The following CNRIP1 variants were observed in gnomAD, a reference collection of about 807,000 sequenced individuals.
CNRIP1 encodes the protein CB1 cannabinoid receptor-interacting protein 1.
In CNRIP1, 10 loss-of-function variants were observed where a neutral mutation model predicts 15.2. The observed-to-expected ratio is 0.66, with a 90% CI of 0.41 to 1.12. The LOEUF is 1.12. CNRIP1 is among the 50% of genes most tolerant of loss of function. CNRIP1 has a pLI of 0.00. For synonymous variants in CNRIP1, 91 were observed against 83.2 expected (o/e 1.09, Z -0.51); for missense variants, 211 against 214.7 (o/e 0.98, Z 0.11).
At chr2:68,305,818 C>A (rs1187712712) in intron 2 of CNRIP1, among the ~76,000 whole-genome samples, 1 of 145,470 alleles carries the variant, frequency 6.9e-6, no homozygotes, top group Non-Finnish European at 1.5e-5. Context: ...AACACACACA[C>A]ACACACCTGG....
At chr2:68,297,224 C>T (rs114217462) in intron 2 of CNRIP1, among the ~76,000 whole-genome samples, 1,532 of 152,138 alleles carry the variant, frequency 0.01, 21 homozygotes, top group African/African-American at 0.035. Flanking sequence ...CTACGAGGAA[C>T]ATTGGAATAA....
chr2:68,311,645 C>T (rs1460505279), intron 2 of CNRIP1, among the ~76,000 whole-genome samples: 1 of 151,352 alleles, frequency 6.6e-6, no homozygotes, highest in Non-Finnish European at 1.5e-5. Context: ...TATGGTGGTG[C>T]GCACCTGTAA....
chr2:68,294,720 A>T (rs1173360350), intron 2 of CNRIP1, among the ~76,000 whole-genome samples: 3 of 152,248 alleles, frequency 2.0e-5, no homozygotes, highest in African/African-American at 7.2e-5. Flanking sequence ...GCCATATTTT[A>T]ACTATTAAAC....
At chr2:68,300,592 G>A (rs939900061) in intron 2 of CNRIP1, among the ~76,000 whole-genome samples, 1 of 151,656 alleles carries the variant, frequency 6.6e-6, no homozygotes, top group Non-Finnish European at 1.5e-5. Context: ...ACTCCAGCCT[G>A]GGCATCAGAG....
downstream of CNRIP1, among the ~76,000 whole-genome samples, chr2:68,290,161 T>A (rs1173793819): frequency 6.6e-6 from 1 of 151,684 alleles, no homozygotes; most frequent in East Asian, 1.9e-4. Flanking sequence ...CCCAAGTAGC[T>A]GGGATTACAG....
At position 68,319,389 on chromosome 2, in the gene CNRIP1, C is replaced by A; in HGVS notation, c.12G>T (p.Leu4=). MGD[L]PGLVRLSIAL... Reference sequence around the variant, plus strand: ...CGATGGAGAGGCGCACGAGGCCCGGCAGGTCCCCCATGTCTGGGCGAGGGT... The same window carrying A: ...CGATGGAGAGGCGCACGAGGCCCGGAAGGTCCCCCATGTCTGGGCGAGGGT... Residue 4 remains leucine (L), a synonymous_variant, in exon 1 of 3, where the codon CTG becomes CTT. Coordinates refer to ENST00000263655, the MANE Select transcript of CNRIP1 (RefSeq NM_015463.3). The A allele has an allele frequency of 6.3e-7, 1 of 1,576,592 alleles. No homozygotes were observed. The highest frequency in any genetic ancestry group is 8.6e-7 in the Non-Finnish European group (1 of 1,163,678).
intron 1 of CNRIP1, 50 bp downstream of exon 1, chr2:68,319,172 T>C (rs4671897): frequency 0.48 from 704,029 of 1,480,542 alleles, 175,035 homozygotes; most frequent in African/African-American, 0.8. Flanking sequence ...CTCAGTCCTC[T>C]GCCTGTACCC....
At chr2:68,314,937 CA>C (rs1672216329) in intron 2 of CNRIP1, among the ~76,000 whole-genome samples, 2 of 151,958 alleles carry the variant, frequency 1.3e-5, no homozygotes, top group African/African-American at 4.8e-5. Flanking sequence ...TGAAAATACA[CA>C]AATGCCACTG....
chr2:68,305,662 G>A (rs1446360767), intron 2 of CNRIP1, among the ~76,000 whole-genome samples: 1 of 151,788 alleles, frequency 6.6e-6, no homozygotes, highest in Non-Finnish European at 1.5e-5. Flanking sequence ...TGGGCATGGT[G>A]GCGAGCACCT....
chr2:68,319,473 C>A lies in CNRIP1; in HGVS notation c.-73G>T, dbSNP rs1379851189. 3 of 1,395,804 alleles carry A rather than the reference C, an allele frequency of 2.1e-6. No individual in the cohort carries two copies. The highest frequency in any genetic ancestry group is 2.8e-6 in the Non-Finnish European group (3 of 1,065,466). The allele number at this position is 1,395,804 out of a possible 1,614,324, so 86.5% of individuals were successfully genotyped here. On this transcript the variant is annotated 5_prime_UTR_variant, in exon 1 of 3. Transcript: ENST00000263655. ...GCCGGCTGCGGCCGAGTGGCTGGAG[C>A]GCGAGGGGCGGAGAGGAAGCGCGGG...
chr2:68,316,710 T>C (rs1472713706), intron 2 of CNRIP1: 1 of 243,146 alleles, frequency 4.1e-6, no homozygotes, highest in Non-Finnish European at 8.0e-6. Context: ...TATTATAGGA[T>C]ATTATATAAG....
intron 2 of CNRIP1, among the ~76,000 whole-genome samples, chr2:68,310,108 A>T (rs935286726): frequency 1.3e-5 from 2 of 152,282 alleles, no homozygotes; most frequent in South Asian, 4.1e-4. Context: ...CAGGTGGATC[A>T]CTTGAGGTCA....
At chr2:68,301,485 C>T (rs1671602098) in intron 2 of CNRIP1, among the ~76,000 whole-genome samples, 2 of 152,138 alleles carry the variant, frequency 1.3e-5, no homozygotes, top group Non-Finnish European at 2.9e-5. Flanking sequence ...GTTCTTACTG[C>T]CCCTATTCAG....
intron 2 of CNRIP1, among the ~76,000 whole-genome samples, chr2:68,300,459 A>T (rs898478460): frequency 1.1e-4 from 17 of 152,098 alleles, no homozygotes; most frequent in African/African-American, 3.4e-4. Flanking sequence ...TCTAGTAAAA[A>T]TACAAAAATT....
At chr2:68,290,480 T>C (rs1487707601), downstream of CNRIP1, among the ~76,000 whole-genome samples, 1 of 152,218 alleles carries the variant, frequency 6.6e-6, no homozygotes, top group African/African-American at 2.4e-5. Flanking sequence ...TTTATGTACC[T>C]ACAGGATACA....
At chr2:68,289,362 G>A (rs545285566), downstream of CNRIP1, among the ~76,000 whole-genome samples, 30 of 152,134 alleles carry the variant, frequency 2.0e-4, no homozygotes, top group Non-Finnish European at 3.4e-4. Flanking sequence ...ATAACGTTTG[G>A]CCATTATCTG....
chr2:68,287,023 A>G (rs61278391), intron 2 of CNRIP1, among the ~76,000 whole-genome samples: 3,939 of 152,274 alleles, frequency 0.026, 177 homozygotes, highest in African/African-American at 0.087. Context: ...ACCTCCAAAT[A>G]CAGCCTTATC....
At chr2:68,310,929 G>A (rs1672049370) in intron 2 of CNRIP1, among the ~76,000 whole-genome samples, 1 of 151,910 alleles carries the variant, frequency 6.6e-6, no homozygotes, top group Non-Finnish European at 1.5e-5. Flanking sequence ...TAGAAGATAA[G>A]CACAAGACTA....
chr2:68,286,698 A>G (rs1247138588), intron 2 of CNRIP1, among the ~76,000 whole-genome samples: 1 of 152,210 alleles, frequency 6.6e-6, no homozygotes, highest in African/African-American at 2.4e-5. Context: ...TGGGATGGTC[A>G]TTTCAGAGGG....
Sources: gnomAD v4.1 joint callset for allele counts (sites outside exome capture counted in the v4.1 genomes callset) on GRCh38, gnomAD v4.1.1 for gene constraint, MANE v1.5 for transcripts, NCBI Gene and HGNC (gene_info 2026-07-23, HGNC 2026-07-21) for gene names.